Variants in PPP1R9A observed in about 807,000 individuals in gnomAD.
PPP1R9A encodes the protein neurabin-1.
In PPP1R9A, 59 loss-of-function variants were observed where a neutral mutation model predicts 141.9. The ratio of observed to expected loss-of-function variants is 0.42; its 90% confidence interval spans 0.34 to 0.52. PPP1R9A has a LOEUF of 0.52. Among genes scored for constraint, PPP1R9A ranks in the 20% least tolerant of loss-of-function variants. PPP1R9A has a pLI of 0.10. For missense variants in PPP1R9A, 1,444 were observed against 1,611.9 expected (o/e 0.90, Z 1.78); for synonymous variants, 500 against 569.7 (o/e 0.88, Z 1.74).
chr7:95,181,365 G>GAATATATATAGTATATATAGAATATA (rs1183220791), intron 5 of PPP1R9A, among the ~76,000 whole-genome samples: 41 of 135,294 alleles, frequency 3.0e-4, no homozygotes, highest in African/African-American at 1.1e-3. Context: ...TATAGAATAT[G>GAATATATATAGTATATATAGAATATA]TATGGAATAT....
intron 5 of PPP1R9A, among the ~76,000 whole-genome samples, chr7:95,183,953 C>T (rs1834258629): frequency 6.6e-6 from 1 of 152,070 alleles, no homozygotes; most frequent in Non-Finnish European, 1.5e-5. Flanking sequence ...CAAAAGCAAT[C>T]ATCTTCATAG....
At chr7:95,000,345 A>G (rs956100866) in intron 2 of PPP1R9A, among the ~76,000 whole-genome samples, 5 of 152,128 alleles carry the variant, frequency 3.3e-5, no homozygotes, top group African/African-American at 1.2e-4. Context: ...ATGGCTGTTG[A>G]TTTCATGTAG....
chr7:95,168,368 C>T (rs1267363807), intron 5 of PPP1R9A, among the ~76,000 whole-genome samples: 1 of 151,856 alleles, frequency 6.6e-6, no homozygotes, highest in Non-Finnish European at 1.5e-5. Context: ...GGACCCTTAT[C>T]CCTCACTATA....
At chr7:95,003,229 T>G (rs1803182418) in intron 2 of PPP1R9A, among the ~76,000 whole-genome samples, 1 of 152,164 alleles carries the variant, frequency 6.6e-6, no homozygotes, top group African/African-American at 2.4e-5. Flanking sequence ...AGTCATCAGA[T>G]TCAAGCCTAT....
At chr7:95,196,446 A>G (rs761340092) in intron 5 of PPP1R9A, among the ~76,000 whole-genome samples, 14 of 152,212 alleles carry the variant, frequency 9.2e-5, no homozygotes, top group East Asian at 1.9e-4. Flanking sequence ...TACATTTACC[A>G]TATGACTTAT....
intron 2 of PPP1R9A, among the ~76,000 whole-genome samples, chr7:95,065,713 C>T (rs565856253): frequency 7.9e-5 from 12 of 152,250 alleles, no homozygotes; most frequent in Non-Finnish European, 1.5e-4. Flanking sequence ...TGTACTTTGT[C>T]TTGGGATGTG....
At chr7:95,051,991 C>A (rs1210735066) in intron 2 of PPP1R9A, among the ~76,000 whole-genome samples, 2 of 151,996 alleles carry the variant, frequency 1.3e-5, no homozygotes, top group Non-Finnish European at 2.9e-5. Context: ...AGGTGCACAC[C>A]ACCATGCCCA....
intron 2 of PPP1R9A, among the ~76,000 whole-genome samples, chr7:95,076,544 T>C (rs544490242): frequency 1.3e-5 from 2 of 152,278 alleles, no homozygotes; most frequent in African/African-American, 4.8e-5. Context: ...TTATTGTATG[T>C]TTACAAAACT....
chr7:95,055,427 T>C (rs989750711), intron 2 of PPP1R9A, among the ~76,000 whole-genome samples: 13 of 152,100 alleles, frequency 8.5e-5, no homozygotes, highest in Admixed American at 7.9e-4. Flanking sequence ...AATTCTTCCT[T>C]GGAAACATCT....
chr7:95,038,645 G>A (rs1400216154), intron 2 of PPP1R9A, among the ~76,000 whole-genome samples: 1 of 152,082 alleles, frequency 6.6e-6, no homozygotes, highest in Non-Finnish European at 1.5e-5. Flanking sequence ...CTGCTTCACT[G>A]AAGGAATTGG....
At chr7:95,281,462 A>G (rs1302093027) in intron 16 of PPP1R9A, among the ~76,000 whole-genome samples, 2 of 152,146 alleles carry the variant, frequency 1.3e-5, no homozygotes, top group African/African-American at 2.4e-5. Context: ...TTCACCGCAC[A>G]TGTAAGAACC....
chr7:95,112,878 C>T (rs1316318260), intron 3 of PPP1R9A, among the ~76,000 whole-genome samples: 3 of 151,900 alleles, frequency 2.0e-5, no homozygotes, highest in South Asian at 4.2e-4. Flanking sequence ...ACAGTGGGTA[C>T]ACATCAACAT....
At chr7:94,967,151 AT>A (rs1798307193) in intron 2 of PPP1R9A, among the ~76,000 whole-genome samples, 1 of 151,960 alleles carries the variant, frequency 6.6e-6, no homozygotes, top group African/African-American at 2.4e-5. Context: ...TCTGTGGGAG[AT>A]CAGTGGTGAT....
intron 2 of PPP1R9A, among the ~76,000 whole-genome samples, chr7:94,979,413 A>G (rs1799830974): frequency 6.6e-6 from 1 of 152,164 alleles, no homozygotes; most frequent in Admixed American, 6.5e-5. Context: ...AGATCTCTCA[A>G]TGGGATTTGT....
chr7:95,063,493 C>T (rs922101019), intron 2 of PPP1R9A, among the ~76,000 whole-genome samples: 14 of 151,978 alleles, frequency 9.2e-5, no homozygotes, highest in Non-Finnish European at 1.8e-4. Flanking sequence ...TGAGCCCAGG[C>T]GGTCAAGTCT....
chr7:94,957,037 G>A (rs1293646714), intron 2 of PPP1R9A, among the ~76,000 whole-genome samples: 1 of 152,104 alleles, frequency 6.6e-6, no homozygotes, highest in Middle Eastern at 3.2e-3. Context: ...AGTATAAATG[G>A]GACTTATGAA....
At chr7:95,241,826 G>A (rs1797509424) in intron 8 of PPP1R9A, among the ~76,000 whole-genome samples, 1 of 152,042 alleles carries the variant, frequency 6.6e-6, no homozygotes, top group African/African-American at 2.4e-5. Flanking sequence ...TACCATGTAG[G>A]GAAGCTATAA....
At chr7:95,074,800 T>C (rs980765958) in intron 2 of PPP1R9A, among the ~76,000 whole-genome samples, 2 of 152,004 alleles carry the variant, frequency 1.3e-5, no homozygotes, top group Admixed American at 1.3e-4. Context: ...GAAGTTTCCA[T>C]GGGTGTTGCT....
chr7:94,947,530 G>A (rs1796025424), intron 2 of PPP1R9A, among the ~76,000 whole-genome samples: 1 of 152,034 alleles, frequency 6.6e-6, no homozygotes, highest in Non-Finnish European at 1.5e-5. Context: ...CACAGAAAGT[G>A]GGTTCAGATG....
Sources: gnomAD v4.1 joint callset for allele counts (sites outside exome capture counted in the v4.1 genomes callset) on GRCh38, gnomAD v4.1.1 for gene constraint, MANE v1.5 for transcripts, NCBI Gene and HGNC (gene_info 2026-07-23, HGNC 2026-07-21) for gene names.